The following RHOBTB1 variants were observed in gnomAD, a reference collection of about 807,000 sequenced individuals.
The protein encoded by RHOBTB1 is rho-related BTB domain-containing protein 1.
In RHOBTB1, 40 loss-of-function variants were observed where a neutral mutation model predicts 71.6. That is an observed-to-expected ratio of 0.56 (90% CI 0.43 to 0.73). RHOBTB1 has a LOEUF of 0.73. Among genes scored for constraint, RHOBTB1 ranks in the 30% least tolerant of loss-of-function variants. RHOBTB1 has a pLI of 0.00. For synonymous variants in RHOBTB1, 319 were observed against 334.9 expected, an observed-to-expected ratio of 0.95 and a Z score of 0.52; for missense variants, 797 against 894.0, an observed-to-expected ratio of 0.89 and a Z score of 1.38.
intron 9 of RHOBTB1, 54 bp downstream of exon 9, chr10:60,874,900 A>C (rs2080969485): frequency 8.4e-7 from 1 of 1,197,248 alleles, no homozygotes; most frequent in Non-Finnish European, 1.2e-6. Flanking sequence ...TTTTATCAGC[A>C]TTAAATGAAC....
chr10:60,928,268 A>G (rs1003779197), intron 2 of RHOBTB1, among the ~76,000 whole-genome samples: 13 of 152,154 alleles, frequency 8.5e-5, no homozygotes, highest in African/African-American at 3.1e-4. Context: ...GATGTTCCTC[A>G]AAAACTAAAA....
At chr10:60,894,879 G>A (rs2082088665) in intron 4 of RHOBTB1, among the ~76,000 whole-genome samples, 2 of 152,180 alleles carry the variant, frequency 1.3e-5, no homozygotes, top group Non-Finnish European at 2.9e-5. Flanking sequence ...TTATATGACA[G>A]ACATGTAGCT....
At chr10:60,895,284 G>A (rs1340920220) in intron 4 of RHOBTB1, among the ~76,000 whole-genome samples, 1 of 152,086 alleles carries the variant, frequency 6.6e-6, no homozygotes, top group African/African-American at 2.4e-5. Context: ...AACTTATTGA[G>A]TCAAAATTCT....
intron 4 of RHOBTB1, among the ~76,000 whole-genome samples, chr10:60,910,283 C>A (rs1367207077): frequency 2.0e-5 from 3 of 152,060 alleles, no homozygotes; most frequent in African/African-American, 7.2e-5. Context: ...ATATTAATGT[C>A]CTTCTAGAGG....
chr10:60,933,791 A>T (rs1420338416), intron 2 of RHOBTB1, among the ~76,000 whole-genome samples: 1 of 152,222 alleles, frequency 6.6e-6, no homozygotes, highest in Non-Finnish European at 1.5e-5. Context: ...TGGATTAAAA[A>T]AAAACTAATA....
At chr10:60,984,587 C>T (rs1439371020) in intron 2 of RHOBTB1, among the ~76,000 whole-genome samples, 3 of 152,158 alleles carry the variant, frequency 2.0e-5, no homozygotes, top group Non-Finnish European at 4.4e-5. Context: ...ACTTTGGGGA[C>T]TAATAGTGTA....
In RHOBTB1 at chr10:60,871,261, G is replaced by C; in HGVS notation, c.*221C>G. 2.2e-6 allele frequency: 1 copy of C among 463,018 alleles called. No individual in the cohort carries two copies. The highest frequency in any genetic ancestry group is 5.2e-5 in the South Asian group (1 of 19,258). The allele number at this position is 463,018 out of a possible 1,614,324, so 28.7% of individuals were successfully genotyped here. On this transcript the variant is annotated 3_prime_UTR_variant, in exon 11 of 11. Coordinates refer to ENST00000337910, the MANE Select transcript of RHOBTB1 (RefSeq NM_014836.5). The stretch of plus-strand genomic sequence containing the variant: ...AAAAAAATATACATATCAGTTTAAG[G>C]AATGCAGTGAGAGTCAGCTTCCCTT...
chr10:60,951,838 C>A (rs948911806), intron 2 of RHOBTB1, among the ~76,000 whole-genome samples: 1 of 152,130 alleles, frequency 6.6e-6, no homozygotes, highest in Non-Finnish European at 1.5e-5. Context: ...GGGCAGATTG[C>A]CTGAGGTCAG....
At position 60,911,377 on chromosome 10, in the gene RHOBTB1, T is replaced by TC. The variant is rs1334179078; in HGVS notation, c.165dup (p.Ile56AspfsTer2). The stretch of plus-strand genomic sequence containing the variant: ...TCCTGGCACACGCGGTACTGGTCAA[T>TC]CGCCCACACTGTTGGCACGTGGGTG... On this transcript the variant is annotated frameshift_variant, in exon 3 of 11. Coordinates refer to ENST00000337910, the MANE Select transcript of RHOBTB1 (RefSeq NM_014836.5). LOFTEE classifies it high-confidence loss of function. The TC allele has an allele frequency of 6.2e-7, 1 of 1,613,834 alleles. No homozygotes were observed. The highest frequency in any genetic ancestry group is 1.7e-5 in the Admixed American group (1 of 60,022).
chr10:60,894,767 C>A (rs187140940), intron 4 of RHOBTB1, among the ~76,000 whole-genome samples: 30 of 152,300 alleles, frequency 2.0e-4, no homozygotes, highest in African/African-American at 7.2e-4. Flanking sequence ...ATATATCCAG[C>A]ACCTAAATGT....
At position 60,911,376 on chromosome 10, in the gene RHOBTB1, A is replaced by G. The variant is rs1446611520; in HGVS notation, c.167T>C (p.Ile56Thr). 3 of 1,613,848 alleles carry G rather than the reference A, an allele frequency of 1.9e-6. No individual in the cohort carries two copies. The highest frequency in any genetic ancestry group is 1.7e-6 in the Non-Finnish European group (2 of 1,179,780). The change falls in exon 3 of 11, where the codon ATT (isoleucine) becomes ACT (threonine). Residue 56 changes from isoleucine to threonine, a missense_variant. By Grantham distance (89) the Ile-to-Thr change is moderately conservative. This residue lies in a region of RHOBTB1 where 139 missense variants were observed against 212.5 expected (regional missense o/e 0.65). Coordinates refer to ENST00000337910, the MANE Select transcript of RHOBTB1 (RefSeq NM_014836.5). ...CTCCTGGCACACGCGGTACTGGTCA[A>G]TCGCCCACACTGTTGGCACGTGGGT... ...LATHVPTVWA[I>T]DQYRVCQEVL...
chr10:60,899,977 C>A (rs1013924412), intron 4 of RHOBTB1, among the ~76,000 whole-genome samples: 1 of 151,996 alleles, frequency 6.6e-6, no homozygotes, highest in Admixed American at 6.6e-5. Flanking sequence ...AATCAGTATG[C>A]CAGTATCTGG....
chr10:60,884,059 A>T (rs561046792), intron 7 of RHOBTB1, among the ~76,000 whole-genome samples: 3 of 152,354 alleles, frequency 2.0e-5, no homozygotes, highest in Non-Finnish European at 4.4e-5. Context: ...GGCCATCAGG[A>T]TAACTCTAAT....
intron 2 of RHOBTB1, among the ~76,000 whole-genome samples, chr10:60,938,156 C>T (rs1589370389): frequency 6.6e-6 from 1 of 152,304 alleles, no homozygotes; most frequent in South Asian, 2.1e-4. Flanking sequence ...TATTTTATCT[C>T]AGCACCACTG....
At chr10:60,863,490 TGGTTAATGCACAG>T in the RHOBTB1 span, among the ~76,000 whole-genome samples, 1 of 152,134 alleles carries the variant, frequency 6.6e-6, no homozygotes, top group African/African-American at 2.4e-5. Context: ...TTCAAAATAG[TGGTTAATGCACAG>T]ATCAATCTGA....
chr10:60,866,091 C>A (rs1343498057), downstream of RHOBTB1, among the ~76,000 whole-genome samples: 1 of 152,190 alleles, frequency 6.6e-6, no homozygotes, highest in African/African-American at 2.4e-5. Context: ...CTTGGTCTCC[C>A]AAAGTGCTGG....
chr10:60,893,187 A>G (rs1291962013), intron 4 of RHOBTB1, among the ~76,000 whole-genome samples, 192 bp from the exon 5 acceptor site: 2 of 152,070 alleles, frequency 1.3e-5, no homozygotes, highest in African/African-American at 4.8e-5. Context: ...CAGCACCAAC[A>G]CAGCCTAACA....
At position 60,871,574 on chromosome 10, in the gene RHOBTB1, T is replaced by C. The variant is rs2080783364; in HGVS notation, c.1999A>G (p.Lys667Glu). ...ATATCTTCCTTCTCTCGTTCCCTTT[T>C]CACACGCTGGTAGTGATCTTCTTCC... ...LKEEDHYQRV[K>E]REREKEDIAL... The change falls in exon 11 of 11, where the codon AAA becomes GAA. Residue 667 changes from lysine (K) to glutamate (E), a missense_variant. This residue lies in a region of RHOBTB1 where 658 missense variants were observed against 681.5 expected (regional missense o/e 0.97). Transcript: ENST00000337910. 1 of 1,614,172 alleles carries C rather than the reference T, an allele frequency of 6.2e-7. No individual in the cohort carries two copies. Among genetic ancestry groups the C allele is most frequent in the South Asian group, 1.1e-5 (1 of 91,080 alleles).
intron 2 of RHOBTB1, among the ~76,000 whole-genome samples, chr10:60,956,119 C>T (rs1168589995): frequency 6.6e-6 from 1 of 152,164 alleles, no homozygotes; most frequent in Non-Finnish European, 1.5e-5. Flanking sequence ...TACTACACAC[C>T]TAGGCTATAT....
Sources: gnomAD v4.1 joint callset for allele counts (sites outside exome capture counted in the v4.1 genomes callset) on GRCh38, gnomAD v4.1.1 for gene constraint, gnomAD v4.1.1 regional missense constraint, MANE v1.5 for transcripts, NCBI Gene and HGNC (gene_info 2026-07-23, HGNC 2026-07-21) for gene names.